The following ABCD3 variants were observed in gnomAD, a reference collection of about 807,000 sequenced individuals.
The protein encoded by ABCD3 is ATP binding cassette subfamily D member 3.
Under a neutral mutation model 105.5 loss-of-function variants are expected in ABCD3, and 41 were observed. The observed-to-expected ratio is 0.39, with a 90% CI of 0.30 to 0.50. The LOEUF (loss-of-function observed/expected upper bound fraction) is 0.50, where lower values mean the gene tolerates loss of function less well. ABCD3 is among the 20% of genes least tolerant of loss of function. The pLI, the probability that ABCD3 is intolerant of heterozygous loss-of-function variation, is 0.84. For missense variants in ABCD3, 622 were observed against 806.3 expected (o/e 0.77, Z 2.77); for synonymous variants, 258 against 269.0 (o/e 0.96, Z 0.40).
chr1:94,425,373 C>G (rs779021414), intron 1 of ABCD3, among the ~76,000 whole-genome samples: 1 of 152,140 alleles, frequency 6.6e-6, no homozygotes, highest in Non-Finnish European at 1.5e-5. Context: ...ACCTTCATAA[C>G]TATACTTTTA....
the ABCD3 span, among the ~76,000 whole-genome samples, chr1:94,407,603 T>G: frequency 6.6e-6 from 1 of 152,238 alleles, no homozygotes; most frequent in South Asian, 2.1e-4. Context: ...TACAACTGGT[T>G]GTGATTTGTG....
chr1:94,453,697 C>G (rs978047989), intron 1 of ABCD3, among the ~76,000 whole-genome samples: 9 of 149,648 alleles, frequency 6.0e-5, no homozygotes, highest in East Asian at 2.0e-4. Flanking sequence ...GATAAGAAGT[C>G]TTTTACCTTT....
chr1:94,459,073 G>A (rs997906002), intron 2 of ABCD3, among the ~76,000 whole-genome samples: 5 of 149,074 alleles, frequency 3.4e-5, no homozygotes, highest in Non-Finnish European at 7.4e-5. Flanking sequence ...TACCAACCAG[G>A]TCTCATTCTG....
chr1:94,407,587 G>A, the ABCD3 span, among the ~76,000 whole-genome samples: 6 of 152,072 alleles, frequency 3.9e-5, no homozygotes, highest in Non-Finnish European at 7.4e-5. Context: ...CTCAACCATT[G>A]TATCTTACAA....
chr1:94,453,420 G>A (rs367853036), intron 1 of ABCD3, among the ~76,000 whole-genome samples: 36 of 150,966 alleles, frequency 2.4e-4, no homozygotes, highest in African/African-American at 8.5e-4. Context: ...CCGGGTTCAC[G>A]CCATTCTCCT....
chr1:94,496,093 A>G (rs997332348), intron 16 of ABCD3, among the ~76,000 whole-genome samples: 1 of 152,212 alleles, frequency 6.6e-6, no homozygotes. Flanking sequence ...TTTAAAATGT[A>G]AAAATGAAAT....
chr1:94,409,977 T>C, the ABCD3 span, among the ~76,000 whole-genome samples: 2 of 152,208 alleles, frequency 1.3e-5, no homozygotes, highest in Non-Finnish European at 2.9e-5. Flanking sequence ...CCCTAGGAGC[T>C]GTGTCTGGTT....
rs562265596 is a variant in ABCD3, at chr1:94,420,738, A to G, written c.110+2150A>G. 3.3e-5 allele frequency among the ~76,000 whole-genome samples: 5 copies of G among 152,308 alleles called. No homozygotes were observed. In the South Asian group the frequency reaches 1.0e-3, roughly 32 times the overall value. On this transcript the variant is annotated intron_variant, in intron 1 of 22. Coordinates refer to ENST00000370214, the MANE Select transcript of ABCD3 (RefSeq NM_002858.4). The stretch of plus-strand genomic sequence containing the variant: ...ATATCTTTTAGTCACCACCTTTGGT[A>G]TCACAGTTTGAAGATTAGAAGATTC...
chr1:94,496,694 G>GTTTTTTTTT lies in ABCD3; in HGVS notation c.1387-1887_1387-1879dup, dbSNP rs71094302. ...CTTCAGTAAAATCAGCCTTGTTTCT[G>GTTTTTTTTT]TTTTTTTTTTTTTTTTTTTTTTTTT... On this transcript the variant is annotated intron_variant, in intron 16 of 22. Transcript: ENST00000370214. Among the ~76,000 whole-genome samples, 56 of 39,376 alleles carry GTTTTTTTTT rather than the reference G, an allele frequency of 1.4e-3. 8 individuals are homozygous for GTTTTTTTTT. The highest frequency in any genetic ancestry group is 1.7e-3 in the Non-Finnish European group (41 of 24,244). 25.8% of individuals were successfully genotyped at this position (39,376 alleles called of 152,430 possible).
At chr1:94,476,292 A>G (rs1457684012) in intron 7 of ABCD3, among the ~76,000 whole-genome samples, 4 of 152,084 alleles carry the variant, frequency 2.6e-5, no homozygotes, top group Non-Finnish European at 4.4e-5. Context: ...CCTTCTTCTC[A>G]CTGATTTCTC....
intron 22 of ABCD3, among the ~76,000 whole-genome samples, chr1:94,515,465 A>T (rs1354410715): frequency 1.3e-5 from 2 of 152,032 alleles, no homozygotes; most frequent in African/African-American, 2.4e-5. Context: ...GCATAGTCTT[A>T]TCACAAATAT....
chr1:94,510,819 C>T (rs1052977342), intron 21 of ABCD3, among the ~76,000 whole-genome samples: 1 of 151,672 alleles, frequency 6.6e-6, no homozygotes, highest in African/African-American at 2.4e-5. Flanking sequence ...CAACCCCTGC[C>T]TTTTTTTTGT....
At chr1:94,491,034 A>AT (rs1649511086) in intron 15 of ABCD3, 150 bp from the exon 16 acceptor site, 7 of 600,798 alleles carry the variant, frequency 1.2e-5, no homozygotes, top group African/African-American at 1.9e-5. Context: ...ACCTTTTCGT[A>AT]TGCCTGTTGG....
Position 94,458,581 on chromosome 1 carries a change from T to G in ABCD3, c.111-26T>G, listed in dbSNP as rs1432401893. Reference sequence around the variant, plus strand: ...TAACACTTTTCACATAAAGTAAAGCTCTCTCTCTCTTTTTTTCCTCTGCAG... The same window carrying G: ...TAACACTTTTCACATAAAGTAAAGCGCTCTCTCTCTTTTTTTCCTCTGCAG... On this transcript the variant is annotated intron_variant, in intron 1 of 22. Coordinates refer to ENST00000370214, the MANE Select transcript of ABCD3 (RefSeq NM_002858.4). 12 of 1,593,758 alleles carry G rather than the reference T, an allele frequency of 7.5e-6. No homozygotes were observed. In the East Asian group the frequency reaches 9.0e-5, roughly 12 times the overall value.
intron 20 of ABCD3, among the ~76,000 whole-genome samples, chr1:94,505,148 A>G (rs1321351087): frequency 1.3e-5 from 2 of 152,176 alleles, no homozygotes; most frequent in African/African-American, 4.8e-5. Flanking sequence ...TGAGATACCC[A>G]AGTAGAAACT....
At chr1:94,393,200 A>C in the ABCD3 span, among the ~76,000 whole-genome samples, 3 of 152,250 alleles carry the variant, frequency 2.0e-5, no homozygotes, top group East Asian at 5.8e-4. Context: ...AAGAACTCAA[A>C]GAATAGAATG....
chr1:94,496,159 G>A (rs1220729117), intron 16 of ABCD3, among the ~76,000 whole-genome samples: 2 of 152,138 alleles, frequency 1.3e-5, no homozygotes, highest in African/African-American at 2.4e-5. Flanking sequence ...TACATTTACA[G>A]TGTTATGCAG....
intron 16 of ABCD3, 110 bp downstream of exon 16, chr1:94,491,357 C>A: frequency 1.3e-6 from 1 of 794,170 alleles, no homozygotes; most frequent in African/African-American, 1.7e-5. Context: ...GTCTCTGAAT[C>A]CACAGAATTG....
intron 4 of ABCD3, among the ~76,000 whole-genome samples, chr1:94,470,192 C>G (rs1006612429): frequency 1.3e-5 from 2 of 152,142 alleles, no homozygotes; most frequent in African/African-American, 4.8e-5. Context: ...CTTCTAGTCT[C>G]ATACTTGATT....
Sources: allele counts gnomAD v4.1 joint callset (sites outside exome capture counted in the v4.1 genomes callset), GRCh38; gene constraint gnomAD v4.1.1; transcripts MANE v1.5; gene names NCBI Gene and HGNC (gene_info 2026-07-23, HGNC 2026-07-21).